SPATA1: variants seen among roughly 807,000 people sequenced by gnomAD.
The protein encoded by SPATA1 is spermatogenesis associated 1, also known as spermatogenesis-associated protein 1.
SPATA1 carries 57 observed loss-of-function variants against 59.6 expected under a neutral mutation model. The observed-to-expected ratio is 0.96, with a 90% CI of 0.77 to 1.19. The LOEUF (loss-of-function observed/expected upper bound fraction) is 1.19, where lower values mean the gene tolerates loss of function less well. SPATA1 is among the 50% of genes most tolerant of loss of function. SPATA1 has a pLI of 0.00. For missense variants in SPATA1, 448 were observed against 480.7 expected, an observed-to-expected ratio of 0.93 and a Z score of 0.64; for synonymous variants, 147 against 163.9, an observed-to-expected ratio of 0.90 and a Z score of 0.79.
intron 7 of SPATA1, 95 bp from the exon 8 acceptor site, chr1:84,533,614 G>T (rs191402187): frequency 5.0e-6 from 5 of 1,001,242 alleles, no homozygotes; most frequent in Admixed American, 4.9e-5. Context: ...CAATATTTGT[G>T]TTTACAGAGC....
chr1:84,516,540 G>C (rs1682802728), intron 2 of SPATA1, 145 bp downstream of exon 2: 1 of 565,786 alleles, frequency 1.8e-6, no homozygotes, highest in African/African-American at 2.0e-5. Flanking sequence ...CCCATTGCCT[G>C]ATTACACTTC....
chr1:84,548,047 G>A (rs1222323245), intron 10 of SPATA1, among the ~76,000 whole-genome samples: 1 of 152,178 alleles, frequency 6.6e-6, no homozygotes, highest in East Asian at 1.9e-4. Flanking sequence ...GATGCTAGAA[G>A]TATTTTGGCA....
At chr1:84,544,327 T>C in intron 9 of SPATA1, 23 bp downstream of exon 9, 1 of 1,496,292 alleles carries the variant, frequency 6.7e-7, no homozygotes, top group Non-Finnish European at 9.1e-7. Flanking sequence ...CAATCGTAAG[T>C]ACAGATGATT....
chr1:84,554,186 G>A (rs774661253), exon 13 of SPATA1: 3 of 152,000 alleles, frequency 2.0e-5, no homozygotes, highest in Non-Finnish European at 4.4e-5. Context: ...AGCTAGCCAA[G>A]AAATAAATTA....
At chr1:84,513,618 G>A (rs1236133229) in intron 1 of SPATA1, among the ~76,000 whole-genome samples, 2 of 152,186 alleles carry the variant, frequency 1.3e-5, no homozygotes, top group Non-Finnish European at 2.9e-5. Context: ...TAGATCCAAG[G>A]CTAGAGACCA....
At chr1:84,530,806 C>T (rs925696404) in intron 6 of SPATA1, among the ~76,000 whole-genome samples, 7 of 152,314 alleles carry the variant, frequency 4.6e-5, no homozygotes, top group East Asian at 1.9e-4. Context: ...TATAACACTG[C>T]GCTAGAATCA....
intron 4 of SPATA1, 126 bp from the exon 14 acceptor site, chr1:84,565,735 T>C (rs80089235): frequency 0.039 from 22,149 of 568,750 alleles, 529 homozygotes; most frequent in Admixed American, 0.092. Flanking sequence ...AGCCTTACAA[T>C]TGAAAAACGT....
chr1:84,566,625 T>A (rs1219069324), downstream of SPATA1, among the ~76,000 whole-genome samples: 3 of 152,190 alleles, frequency 2.0e-5, no homozygotes, highest in Non-Finnish European at 2.9e-5. Context: ...CAAATAAATG[T>A]TGAGTATTAT....
At chr1:84,564,453 G>A (rs372238991) in intron 4 of SPATA1, among the ~76,000 whole-genome samples, 1 of 151,928 alleles carries the variant, frequency 6.6e-6, no homozygotes, top group African/African-American at 2.4e-5. Flanking sequence ...TTACTTTTTA[G>A]AGCCTTTAAT....
chr1:84,514,716 A>G (rs1682719981), intron 1 of SPATA1, among the ~76,000 whole-genome samples: 2 of 152,174 alleles, frequency 1.3e-5, no homozygotes, highest in African/African-American at 4.8e-5. Context: ...GATGCCTGTA[A>G]TCCCAGCACT....
At chr1:84,507,638 T>G (rs573287971) in intron 1 of SPATA1, among the ~76,000 whole-genome samples, 1 of 152,390 alleles carries the variant, frequency 6.6e-6, no homozygotes, top group East Asian at 1.9e-4. Context: ...TGTATAATGC[T>G]AAAACGTCAT....
chr1:84,555,225 T>A, downstream of SPATA1: 24 of 1,489,964 alleles, frequency 1.6e-5, no homozygotes, highest in Non-Finnish European at 2.0e-5. Context: ...AAAATGGAGA[T>A]TTTAAAGTAT....
chr1:84,550,496 A>G, exon 12 of SPATA1: 1 of 1,560,680 alleles, frequency 6.4e-7, no homozygotes, highest in Middle Eastern at 1.7e-4. Context: ...AGAAAACTAG[A>G]TACTGACAAA....
intron 8 of SPATA1, among the ~76,000 whole-genome samples, chr1:84,541,922 G>T (rs1172046864): frequency 6.6e-6 from 1 of 151,838 alleles, no homozygotes; most frequent in Non-Finnish European, 1.5e-5. Context: ...GTAGTGAAAT[G>T]CAGGTTTTTG....
At chr1:84,511,084 T>C (rs2101909356) in intron 1 of SPATA1, among the ~76,000 whole-genome samples, 1 of 152,306 alleles carries the variant, frequency 6.6e-6, no homozygotes, top group East Asian at 1.9e-4. Context: ...TAAAATCTAG[T>C]ATTTGATAGC....
At chr1:84,556,845 A>C (rs1684446186), downstream of SPATA1, among the ~76,000 whole-genome samples, 1 of 152,130 alleles carries the variant, frequency 6.6e-6, no homozygotes, top group Non-Finnish European at 1.5e-5. Flanking sequence ...TCCATTCTTT[A>C]ACATTTTTAG....
chr1:84,537,988 G>A (rs1278014860), intron 8 of SPATA1, among the ~76,000 whole-genome samples: 1 of 152,154 alleles, frequency 6.6e-6, no homozygotes, highest in Non-Finnish European at 1.5e-5. Context: ...AGGGCCAAGT[G>A]AAATATGATG....
At chr1:84,539,779 T>C (rs1006157047) in intron 8 of SPATA1, among the ~76,000 whole-genome samples, 1 of 152,212 alleles carries the variant, frequency 6.6e-6, no homozygotes, top group Non-Finnish European at 1.5e-5. Flanking sequence ...ACATCAAGTA[T>C]TCCATATTCT....
At chr1:84,543,058 T>C (rs1570443840) in intron 8 of SPATA1, among the ~76,000 whole-genome samples, 1 of 152,148 alleles carries the variant, frequency 6.6e-6, no homozygotes, top group Non-Finnish European at 1.5e-5. Flanking sequence ...AACAATATAC[T>C]ATAATAAAAG....
Sources: allele counts gnomAD v4.1 joint callset (sites outside exome capture counted in the v4.1 genomes callset), GRCh38; gene constraint gnomAD v4.1.1; transcripts MANE v1.5; gene names NCBI Gene and HGNC (gene_info 2026-07-23, HGNC 2026-07-21).